The following WDR41 variants were observed in gnomAD, a reference collection of about 807,000 sequenced individuals.
WDR41 encodes WD repeat domain 41.
In WDR41, 63 loss-of-function variants were observed where a neutral mutation model predicts 69.3. The observed-to-expected ratio is 0.91, with a 90% CI of 0.74 to 1.12. The LOEUF is 1.12. Among genes scored for constraint, WDR41 ranks in the 50% most tolerant of loss-of-function variants. WDR41 has a pLI of 0.00. For synonymous variants in WDR41, 185 were observed against 192.1 expected (o/e 0.96, Z 0.31); for missense variants, 543 against 534.5 (o/e 1.02, Z -0.16).
intron 1 of WDR41, among the ~76,000 whole-genome samples, chr5:77,511,183 T>A (rs1225853356): frequency 2.0e-5 from 3 of 152,192 alleles, no homozygotes; most frequent in African/African-American, 7.2e-5. Context: ...AGATAACAAT[T>A]CTTATTTAAA....
At chr5:77,608,060 T>C (rs1744460786) in intron 1 of WDR41, among the ~76,000 whole-genome samples, 1 of 152,192 alleles carries the variant, frequency 6.6e-6, no homozygotes, top group African/African-American at 2.4e-5. Flanking sequence ...AACTCACCCA[T>C]TAAACAATAA....
At chr5:77,496,017 C>T (rs1801927621), upstream of WDR41, among the ~76,000 whole-genome samples, 2 of 151,968 alleles carry the variant, frequency 1.3e-5, 1 homozygote, top group South Asian at 4.1e-4. Context: ...AGGAAGATAA[C>T]CACAAGATAA....
rs547134473 is a variant in WDR41, at chr5:77,538,556, T to C, written c.43-48984A>G. Among the ~76,000 whole-genome samples, 8 of 152,306 alleles carry C rather than the reference T, an allele frequency of 5.3e-5. No homozygotes were observed. The East Asian group carries it at 1.5e-3, about 29-fold the overall frequency. The stretch of plus-strand genomic sequence containing the variant: ...TACTTATAAGTGAGAACATGTGGTA[T>C]TTGGTTTTCTGTTCCTGCATTAATT... On this transcript the variant is annotated intron_variant, in intron 1 of 5. Coordinates refer to the WDR41 transcript ENST00000509971.
At chr5:77,492,636 T>G, upstream of WDR41, 1 of 188,262 alleles carries the variant, frequency 5.3e-6, no homozygotes. Flanking sequence ...TGCCCCTCCC[T>G]GTGACATGGC....
At position 77,492,295 on chromosome 5, in the gene WDR41, C is replaced by T; in HGVS notation, c.-75G>A. ...CCGCCCCAGGCTCGGCCTCCTCCTTCCTCCCCGGCTGCAGCGCAACTGAGA... is the reference window on the plus strand; with the variant it reads ...CCGCCCCAGGCTCGGCCTCCTCCTTTCTCCCCGGCTGCAGCGCAACTGAGA... On this transcript the variant is annotated 5_prime_UTR_variant, in exon 1 of 13. Transcript: ENST00000296679. 2 of 1,588,330 alleles carry T rather than the reference C, an allele frequency of 1.3e-6. No individual in the cohort carries two copies. The highest frequency in any genetic ancestry group is 2.3e-5 in the South Asian group (2 of 88,722).
chr5:77,551,518 A>C (rs1743296422), intron 1 of WDR41, among the ~76,000 whole-genome samples: 1 of 107,474 alleles, frequency 9.3e-6, no homozygotes, highest in African/African-American at 6.1e-5. Flanking sequence ...TCGCTACTAA[A>C]AACACAAGAA....
At chr5:77,491,869 C>T (rs1319934461) in intron 1 of WDR41, 1 of 417,138 alleles carries the variant, frequency 2.4e-6, no homozygotes, top group East Asian at 3.8e-5. Context: ...TGTCACAGGT[C>T]CCAATAGGAC....
intron 1 of WDR41, among the ~76,000 whole-genome samples, chr5:77,542,238 T>C (rs868447306): frequency 2.0e-5 from 3 of 151,976 alleles, no homozygotes; most frequent in South Asian, 2.1e-4. Flanking sequence ...CATGGACACA[T>C]GGGGGAGAAG....
intron 1 of WDR41, among the ~76,000 whole-genome samples, chr5:77,593,051 A>C (rs991067788): frequency 1.3e-5 from 2 of 152,210 alleles, no homozygotes; most frequent in Non-Finnish European, 2.9e-5. Flanking sequence ...AGAGAGTCCC[A>C]GGCAGAGGAA....
chr5:77,438,505 T>G, intron 9 of WDR41, 144 bp from the exon 10 acceptor site: 1 of 1,179,864 alleles, frequency 8.5e-7, no homozygotes, highest in Non-Finnish European at 1.2e-6. Flanking sequence ...TACTAATCTC[T>G]GAAACCCCAA....
intron 12 of WDR41, among the ~76,000 whole-genome samples, chr5:77,434,078 T>C (rs765137432): frequency 8.6e-5 from 13 of 151,730 alleles, no homozygotes; most frequent in Non-Finnish European, 1.5e-4. Flanking sequence ...ACCTGTAATC[T>C]CAGCACTTCG....
intron 1 of WDR41, among the ~76,000 whole-genome samples, chr5:77,548,506 G>A (rs1194999189): frequency 1.3e-5 from 2 of 148,828 alleles, no homozygotes; most frequent in African/African-American, 2.5e-5. Flanking sequence ...ATATACAAAT[G>A]GCCAACAAAC....
rs189080915 is a variant in WDR41 at position 77,553,519 on chromosome 5, A to G, written c.43-63947T>C. Among the ~76,000 whole-genome samples the G allele has an allele frequency of 5.5e-3, 836 of 152,278 alleles. 6 individuals carry two copies. The highest frequency in any genetic ancestry group is 0.019 in the African/African-American group (787 of 41,558). ...GTTTCAACACATGAATTTTGGAGGG[A>G]ATGCCATCTTTCAAATCATAGCACC... is the stretch of plus-strand genomic sequence containing the variant. On this transcript the variant is annotated intron_variant, in intron 1 of 5. Transcript: ENST00000509971.
chr5:77,606,905 G>GAAAAAA (rs1195622632), intron 1 of WDR41, among the ~76,000 whole-genome samples: 10 of 85,666 alleles, frequency 1.2e-4, no homozygotes, highest in Admixed American at 1.3e-4. Flanking sequence ...CAATGAAAAA[G>GAAAAAA]AAAAAAAAAA....
chr5:77,558,603 T>G (rs965928025), intron 1 of WDR41, among the ~76,000 whole-genome samples: 3 of 152,244 alleles, frequency 2.0e-5, no homozygotes, highest in Non-Finnish European at 2.9e-5. Context: ...TTGTTTACGC[T>G]ATTAAACATC....
chr5:77,471,147 G>C (rs1800587735), intron 2 of WDR41, among the ~76,000 whole-genome samples: 2 of 152,182 alleles, frequency 1.3e-5, no homozygotes. Flanking sequence ...CAACTACATG[G>C]AAACTGAACA....
chr5:77,539,355 TTC>T (rs1194003882), intron 1 of WDR41, among the ~76,000 whole-genome samples: 1 of 152,232 alleles, frequency 6.6e-6, no homozygotes, highest in African/African-American at 2.4e-5. Context: ...CTTTTTTATA[TTC>T]TGTTTTGGAT....
At chr5:77,531,081 T>C (rs892871110) in intron 1 of WDR41, among the ~76,000 whole-genome samples, 1 of 151,856 alleles carries the variant, frequency 6.6e-6, no homozygotes, top group Non-Finnish European at 1.5e-5. Context: ...TAAATCTTCA[T>C]GACCTCAGAT....
At chr5:77,486,169 GA>G (rs1430935441) in intron 2 of WDR41, among the ~76,000 whole-genome samples, 1 of 152,136 alleles carries the variant, frequency 6.6e-6, no homozygotes, top group East Asian at 1.9e-4. Context: ...TTACGAAGAT[GA>G]CTCTTTCGGT....
Sources: allele counts gnomAD v4.1 joint callset (sites outside exome capture counted in the v4.1 genomes callset), GRCh38; gene constraint gnomAD v4.1.1; transcripts MANE v1.5; gene names NCBI Gene and HGNC (gene_info 2026-07-23, HGNC 2026-07-21).